Variants in CEPT1 observed in about 807,000 individuals in gnomAD.
CEPT1 encodes choline/ethanolamine phosphotransferase 1, also known as choline/ethanolaminephosphotransferase 1.
CEPT1 carries 7 observed loss-of-function variants against 42.6 expected under a neutral mutation model. The observed-to-expected ratio is 0.16, with a 90% CI of 0.09 to 0.31. The LOEUF (loss-of-function observed/expected upper bound fraction) is 0.31. Ranked by LOEUF, CEPT1 falls within the 10% of genes least tolerant of loss-of-function variation. The pLI is 1.00. For missense variants in CEPT1, 306 were observed against 502.1 expected (o/e 0.61, Z 3.73); for synonymous variants, 171 against 171.9 (o/e 0.99, Z 0.04).
intron 3 of CEPT1, chr1:111,160,593 T>G (rs1480595763): frequency 1.3e-5 from 2 of 152,554 alleles, no homozygotes; most frequent in Non-Finnish European, 2.9e-5. Flanking sequence ...GTTGGCTGTC[T>G]TGAAAGGCAA....
upstream of CEPT1, chr1:111,140,038 C>G (rs547022633): frequency 2.6e-5 from 4 of 152,496 alleles, no homozygotes; most frequent in Non-Finnish European, 5.9e-5. Flanking sequence ...TTCGACTTAC[C>G]TTACCAGACC....
chr1:111,179,610 G>T (rs1017871169), intron 5 of CEPT1: 4 of 152,156 alleles, frequency 2.6e-5, no homozygotes, highest in African/African-American at 9.7e-5. Context: ...TTTATAAGTA[G>T]TGCCAATTTT....
At chr1:111,183,858 A>G (rs1291048526) in intron 8 of CEPT1, among the ~76,000 whole-genome samples, 1 of 152,176 alleles carries the variant, frequency 6.6e-6, no homozygotes, top group East Asian at 1.9e-4. Context: ...TCAGCATACT[A>G]CACCCTGTGG....
At chr1:111,156,093 AT>A (rs1655554868) in intron 2 of CEPT1, among the ~76,000 whole-genome samples, 1 of 151,566 alleles carries the variant, frequency 6.6e-6, no homozygotes, top group South Asian at 2.1e-4. Context: ...AGGTTTTGGT[AT>A]TTTGTGCTTC....
chr1:111,146,682 T>A (rs914516989), intron 1 of CEPT1, among the ~76,000 whole-genome samples: 2 of 152,202 alleles, frequency 1.3e-5, no homozygotes, highest in Non-Finnish European at 2.9e-5. Flanking sequence ...TATTTCCTCA[T>A]GCTACTTGAT....
chr1:111,156,044 T>C (rs923962638), intron 2 of CEPT1, among the ~76,000 whole-genome samples: 1 of 152,250 alleles, frequency 6.6e-6, no homozygotes, highest in African/African-American at 2.4e-5. Context: ...TTATTTTGCT[T>C]TATTCTTTCC....
intron 1 of CEPT1, among the ~76,000 whole-genome samples, chr1:111,142,588 G>T (rs1229140071): frequency 6.6e-6 from 1 of 152,180 alleles, no homozygotes; most frequent in East Asian, 1.9e-4. Flanking sequence ...CCAGGAGGAG[G>T]GGTTTGTAGT....
intron 4 of CEPT1, among the ~76,000 whole-genome samples, chr1:111,170,660 G>T (rs529197846): frequency 6.6e-6 from 1 of 152,120 alleles, no homozygotes; most frequent in Non-Finnish European, 1.5e-5. Context: ...AATCTATAAT[G>T]AATGTCATGC....
At chr1:111,160,907 G>A in intron 3 of CEPT1, 1 of 498,128 alleles carries the variant, frequency 2.0e-6, no homozygotes, top group Non-Finnish European at 3.5e-6. Flanking sequence ...AAATGTTGAA[G>A]TATTTTAGTT....
rs1402323549 is a variant in CEPT1 at position 111,147,740 on chromosome 1, A to G, written c.26A>G (p.Lys9Arg). The change falls in exon 2 of 9, where the codon AAA becomes AGA. Residue 9 changes from lysine (K) to arginine (R), a missense_variant. This residue lies in a region of CEPT1 where 53 missense variants were observed against 54.8 expected (regional missense o/e 0.97). Coordinates refer to ENST00000357172, the MANE Select transcript of CEPT1 (RefSeq NM_006090.5). ...ATGAGTGGGCATCGATCAACAAGGA[A>G]AAGATGTGGAGATTCTCACCCGGAG... MSGHRSTR[K>R]RCGDSHPESP... The G allele has an allele frequency of 1.9e-6, 3 of 1,611,122 alleles. No homozygotes were observed. The African/African-American group carries it at 4.0e-5, about 22-fold the overall frequency.
At position 111,183,569 on chromosome 1, in the gene CEPT1, T is replaced by C. The variant is rs200390019; in HGVS notation, c.1113T>C (p.Ile371=). The C allele has an allele frequency of 1.3e-4, 208 of 1,612,790 alleles. No homozygotes were observed. The highest frequency in any genetic ancestry group is 1.7e-4 in the Middle Eastern group (1 of 6,012). Residue 371 remains isoleucine, a synonymous_variant, in exon 8 of 9, where the codon ATT becomes ATC. Transcript: ENST00000357172. ...QYFNSFIDEY[I]VLWIALVFSF... ...TTAACAGCTTTATTGATGAATATAT[T>C]GTACTTTGGATTGCCCTGGTAAGTA...
intron 2 of CEPT1, among the ~76,000 whole-genome samples, chr1:111,151,231 T>A (rs918136984): frequency 6.7e-6 from 1 of 149,960 alleles, no homozygotes; most frequent in African/African-American, 2.5e-5. Context: ...TTCAAGCGAT[T>A]TCTCCTGCCT....
chr1:111,146,489 A>AAG (rs1654975033), intron 1 of CEPT1, among the ~76,000 whole-genome samples: 1 of 152,050 alleles, frequency 6.6e-6, no homozygotes, highest in Non-Finnish European at 1.5e-5. Context: ...TCTAATTCTT[A>AAG]AGTACTTTCT....
chr1:111,160,798 G>T (rs1028974910), intron 3 of CEPT1: 35 of 226,016 alleles, frequency 1.5e-4, no homozygotes, highest in Admixed American at 3.1e-4. Flanking sequence ...TCCGTCTGGG[G>T]ATTATATAGC....
chr1:111,178,433 TTA>T (rs1156707974), intron 5 of CEPT1: 1 of 151,904 alleles, frequency 6.6e-6, no homozygotes, highest in Non-Finnish European at 1.5e-5. Flanking sequence ...TTACCAAAGA[TTA>T]TAGTTATTGT....
At chr1:111,147,039 GA>G (rs1464700026) in intron 1 of CEPT1, among the ~76,000 whole-genome samples, 1 of 152,178 alleles carries the variant, frequency 6.6e-6, no homozygotes, top group Admixed American at 6.5e-5. Flanking sequence ...CCAGCTGTGT[GA>G]TTTGGACAAG....
chr1:111,178,122 T>C (rs1487988858), intron 5 of CEPT1: 3 of 152,208 alleles, frequency 2.0e-5, no homozygotes, highest in Non-Finnish European at 1.5e-5. Flanking sequence ...CATATTGAGC[T>C]CTCACATTTT....
intron 8 of CEPT1, 94 bp from the exon 9 acceptor site, chr1:111,184,097 G>A: frequency 8.1e-7 from 1 of 1,229,880 alleles, no homozygotes; most frequent in Non-Finnish European, 1.1e-6. Context: ...AATGGAAGGT[G>A]AATCTGTAGA....
At chr1:111,158,026 C>T (rs887133321) in intron 2 of CEPT1, among the ~76,000 whole-genome samples, 80 of 152,122 alleles carry the variant, frequency 5.3e-4, no homozygotes, top group African/African-American at 1.9e-3. Context: ...AATAAGACCT[C>T]TTCTTTTTGA....
Sources: allele counts gnomAD v4.1 joint callset (sites outside exome capture counted in the v4.1 genomes callset), GRCh38; gene constraint gnomAD v4.1.1; regional missense constraint gnomAD v4.1.1; transcripts MANE v1.5; gene names NCBI Gene and HGNC (gene_info 2026-07-23, HGNC 2026-07-21).